The following NUP160 variants were observed in gnomAD, a reference collection of about 807,000 sequenced individuals.
NUP160 encodes nucleoporin 160, also known as nuclear pore complex protein Nup160.
A neutral mutation model predicts 196.9 loss-of-function variants in NUP160; 94 were observed. The ratio of observed to expected loss-of-function variants is 0.48; its 90% CI spans 0.40 to 0.57. The LOEUF is 0.57. NUP160 is among the 20% of genes least tolerant of loss of function. The pLI is 0.00. For missense variants in NUP160, 1,638 were observed against 1,748.3 expected (o/e 0.94, Z 1.13); for synonymous variants, 605 against 619.7 (o/e 0.98, Z 0.35).
At chr11:47,789,716 A>G (rs557810245) in intron 29 of NUP160, among the ~76,000 whole-genome samples, 1 of 151,970 alleles carries the variant, frequency 6.6e-6, no homozygotes, top group African/African-American at 2.4e-5. Flanking sequence ...TGTATAGTAT[A>G]TAACAATGTA....
At position 47,801,092 on chromosome 11, in the gene NUP160, G is replaced by A. The variant is rs576828476; in HGVS notation, c.2895+719C>T. ...TACAATGGAGTGACCAGAGGAAAGA[G>A]GGGCAGGAAACAGGTCAAGAGGACC... On this transcript the variant is annotated intron_variant, in intron 23 of 35. Coordinates refer to ENST00000378460, the Ensembl canonical transcript of NUP160. Among the ~76,000 whole-genome samples, 43 of 152,244 alleles carry A rather than the reference G, an allele frequency of 2.8e-4. 1 individual carries two copies. The South Asian group carries it at 8.9e-3, about 32-fold the overall frequency.
intron 9 of NUP160, among the ~76,000 whole-genome samples, chr11:47,820,553 ATTTATTTATT>A (rs1371063343): frequency 6.6e-6 from 1 of 151,506 alleles, no homozygotes; most frequent in Admixed American, 6.6e-5. Flanking sequence ...ATTTATTTAT[ATTTATTTATT>A]TATTTTTGAG....
chr11:47,798,029 G>A, exon 26 of NUP160: 2 of 1,580,702 alleles, frequency 1.3e-6, no homozygotes, highest in East Asian at 2.3e-5. Context: ...GTAGCTGTGA[G>A]CGTTCACAAA....
chr11:47,841,974 G>C (rs192240479), intron 2 of NUP160, among the ~76,000 whole-genome samples: 1 of 152,214 alleles, frequency 6.6e-6, no homozygotes, highest in Non-Finnish European at 1.5e-5. Flanking sequence ...TGGGATTACA[G>C]GTGTGAGCCA....
Position 47,812,013 on chromosome 11 carries a change from G to A in NUP160, c.2241+51C>T, listed in dbSNP as rs566999545. 3.2e-6 allele frequency: 5 copies of A among 1,570,524 alleles called. No individual in the cohort carries two copies. In the African/African-American group the frequency reaches 4.1e-5, roughly 13 times the overall value. On this transcript the variant is annotated intron_variant, in intron 17 of 35. Coordinates refer to ENST00000378460, the Ensembl canonical transcript of NUP160. ...GACATTTTGCTCCTAAGTGCTTGTA[G>A]GCCTATAACAGGTTTTAGATTTTAC...
At chr11:47,845,480 C>T (rs987406842) in intron 2 of NUP160, among the ~76,000 whole-genome samples, 13 of 152,142 alleles carry the variant, frequency 8.5e-5, no homozygotes, top group African/African-American at 2.9e-4. Context: ...CTATGCACTG[C>T]GGACTTGCCC....
At chr11:47,803,458 C>T (rs764784871) in exon 22 of NUP160, 1 of 1,606,446 alleles carries the variant, frequency 6.2e-7, no homozygotes, top group Non-Finnish European at 8.5e-7. Context: ...TCTCCTGTAA[C>T]TAGGTAACAC....
At chr11:47,833,281 C>T (rs1333041463) in intron 7 of NUP160, among the ~76,000 whole-genome samples, 4 of 151,714 alleles carry the variant, frequency 2.6e-5, no homozygotes, top group Non-Finnish European at 5.9e-5. Context: ...TGGTGAAACC[C>T]CATCTCTATT....
chr11:47,827,700 A>T (rs1808381881), intron 7 of NUP160, among the ~76,000 whole-genome samples: 1 of 152,034 alleles, frequency 6.6e-6, no homozygotes, highest in South Asian at 2.1e-4. Flanking sequence ...AGAGTGAAAA[A>T]AAAAAAGACG....
At chr11:47,815,309 C>T (rs1467634342) in intron 13 of NUP160, 170 bp downstream of exon 13, 2 of 432,244 alleles carry the variant, frequency 4.6e-6, no homozygotes, top group South Asian at 1.6e-4. Context: ...ATGAATGAAT[C>T]ACAATTTTAG....
At chr11:47,832,121 C>T (rs891115301) in intron 7 of NUP160, among the ~76,000 whole-genome samples, 24 of 151,828 alleles carry the variant, frequency 1.6e-4, no homozygotes, top group South Asian at 8.3e-4. Flanking sequence ...AGGAGGGTCT[C>T]GATCTCCTGA....
At chr11:47,821,575 G>A (rs990947455) in intron 9 of NUP160, 149 bp downstream of exon 9, 33 of 591,056 alleles carry the variant, frequency 5.6e-5, no homozygotes, top group Middle Eastern at 3.3e-4. Context: ...GCCCAGCCTG[G>A]TCTCGAACTC....
intron 7 of NUP160, 96 bp from the exon 8 acceptor site, chr11:47,822,260 AAT>A: frequency 2.1e-5 from 18 of 872,762 alleles, no homozygotes; most frequent in East Asian, 2.8e-5. Flanking sequence ...TTTAAAAAAA[AAT>A]TTTTTTTTTT....
chr11:47,818,220 T>C (rs994328410), intron 10 of NUP160, 96 bp from the exon 11 acceptor site: 4 of 759,290 alleles, frequency 5.3e-6, no homozygotes, highest in African/African-American at 5.2e-5. Context: ...ATATGAACAT[T>C]GCCATTTTGC....
chr11:47,779,649 T>TG, intron 35 of NUP160: 1 of 497,546 alleles, frequency 2.0e-6, no homozygotes, highest in South Asian at 1.5e-5. Flanking sequence ...GCAAGCAGGG[T>TG]GAATATATGA....
chr11:47,810,093 T>C (rs1319622410), intron 17 of NUP160, among the ~76,000 whole-genome samples: 1 of 152,054 alleles, frequency 6.6e-6, no homozygotes, highest in African/African-American at 2.4e-5. Context: ...AATGGAAGAA[T>C]CTACATAGAT....
At chr11:47,822,907 T>C (rs1278246689) in intron 7 of NUP160, among the ~76,000 whole-genome samples, 1 of 152,236 alleles carries the variant, frequency 6.6e-6, no homozygotes, top group Non-Finnish European at 1.5e-5. Context: ...ACTCATCCTT[T>C]TTTATGGCTG....
chr11:47,787,383 T>G (rs2097665187), intron 31 of NUP160, among the ~76,000 whole-genome samples: 1 of 151,352 alleles, frequency 6.6e-6, no homozygotes, highest in Admixed American at 6.6e-5. Context: ...CCACTGCACC[T>G]GGCTGAAAAA....
chr11:47,824,612 AAAAAT>A (rs1286642734), intron 7 of NUP160, among the ~76,000 whole-genome samples: 1 of 151,940 alleles, frequency 6.6e-6, no homozygotes, highest in Non-Finnish European at 1.5e-5. Context: ...TATCTCAAAA[AAAAAT>A]AAAATAAAAT....
Sources: allele counts gnomAD v4.1 joint callset (sites outside exome capture counted in the v4.1 genomes callset), GRCh38; gene constraint gnomAD v4.1.1; transcripts MANE v1.5; gene names NCBI Gene and HGNC (gene_info 2026-07-23, HGNC 2026-07-21).